Variants in CACNA2D1 observed in about 807,000 individuals in gnomAD.
CACNA2D1 encodes voltage-dependent calcium channel subunit alpha-2/delta-1.
A neutral mutation model predicts 171.5 loss-of-function variants in CACNA2D1; 53 were observed. That is an observed-to-expected ratio of 0.31 (90% CI 0.25 to 0.39). The LOEUF (loss-of-function observed/expected upper bound fraction) is 0.39. CACNA2D1 is among the 10% of genes least tolerant of loss of function. The pLI is 1.00. For missense variants in CACNA2D1, 903 were observed against 1,299.8 expected (o/e 0.69, Z 4.69); for synonymous variants, 442 against 443.1 (o/e 1.00, Z 0.03).
chr7:82,397,611 A>G (rs1825880672), intron 1 of CACNA2D1, among the ~76,000 whole-genome samples: 1 of 152,248 alleles, frequency 6.6e-6, no homozygotes, highest in Admixed American at 6.5e-5. Context: ...TAATGCAATA[A>G]GGATTTTCAT....
intron 1 of CACNA2D1, among the ~76,000 whole-genome samples, chr7:82,378,377 T>C (rs909549534): frequency 6.6e-6 from 1 of 152,134 alleles, no homozygotes; most frequent in African/African-American, 2.4e-5. Context: ...TCAGCCTGGG[T>C]GGCAGAGCAA....
chr7:82,250,703 T>G (rs1262193415), intron 3 of CACNA2D1, among the ~76,000 whole-genome samples: 2 of 152,222 alleles, frequency 1.3e-5, no homozygotes, highest in Non-Finnish European at 2.9e-5. Flanking sequence ...CTTAGCATTT[T>G]GCTTTTAGTA....
chr7:82,210,996 A>T (rs528406723), intron 3 of CACNA2D1, among the ~76,000 whole-genome samples: 128 of 152,194 alleles, frequency 8.4e-4, no homozygotes, highest in African/African-American at 3.0e-3. Flanking sequence ...CTTTAAAAGG[A>T]TTTTCCCATA....
intron 10 of CACNA2D1, among the ~76,000 whole-genome samples, chr7:82,047,904 G>C (rs531312453): frequency 6.6e-6 from 1 of 152,236 alleles, no homozygotes; most frequent in African/African-American, 2.4e-5. Flanking sequence ...GTCAGGGAAG[G>C]CCTCTCTATC....
In CACNA2D1 at chr7:82,025,728, GT is replaced by G. The variant is rs200602683; in HGVS notation, c.1143+7068del. 5.0e-4 allele frequency among the ~76,000 whole-genome samples: 76 copies of G among 151,806 alleles called. 1 individual carries two copies. The East Asian group carries it at 0.014, about 28-fold the overall frequency. ...TAACGTATGATCTATCCTGAAGAAT[GT>G]TCCATATGCACTTGAGAAAAATGTG... On this transcript the variant is annotated intron_variant, in intron 12 of 38. Coordinates refer to ENST00000356860, the MANE Select transcript of CACNA2D1 (RefSeq NM_000722.4).
rs1245242746 is a variant in CACNA2D1, at chr7:82,170,622, CAAT to C, written c.295-16_295-14del. ...CCAATGCCAGGCGCTGAAAAACAAA[CAAT>C]AAATCTTAGAATTCAAATGAACACG... On this transcript the variant is annotated splice_polypyrimidine_tract_variant and intron_variant, in intron 3 of 38. Coordinates refer to ENST00000356860, the MANE Select transcript of CACNA2D1 (RefSeq NM_000722.4). The C allele has an allele frequency of 3.1e-6, 5 of 1,611,062 alleles. No homozygotes were observed. Among genetic ancestry groups the C allele is most frequent in the Non-Finnish European group, 4.2e-6 (5 of 1,177,956 alleles).
At chr7:82,355,532 G>A (rs528980173) in intron 1 of CACNA2D1, among the ~76,000 whole-genome samples, 3 of 152,192 alleles carry the variant, frequency 2.0e-5, no homozygotes, top group East Asian at 3.9e-4. Flanking sequence ...GAAAGAAAAC[G>A]ATGAGAAGCT....
chr7:82,076,767 A>G (rs1417024204), intron 7 of CACNA2D1, among the ~76,000 whole-genome samples: 1 of 152,196 alleles, frequency 6.6e-6, no homozygotes, highest in African/African-American at 2.4e-5. Flanking sequence ...ATTCAAGGCG[A>G]CATATTCTAC....
At chr7:82,225,523 T>C (rs1221917643) in intron 3 of CACNA2D1, among the ~76,000 whole-genome samples, 1 of 152,176 alleles carries the variant, frequency 6.6e-6, no homozygotes, top group Non-Finnish European at 1.5e-5. Flanking sequence ...GCACATCTTA[T>C]ATGAATTTTT....
chr7:82,158,942 G>A (rs1794657234), intron 4 of CACNA2D1, among the ~76,000 whole-genome samples: 1 of 151,802 alleles, frequency 6.6e-6, no homozygotes, highest in African/African-American at 2.4e-5. Context: ...TATCTCATGT[G>A]CAAATGGTAA....
chr7:82,174,192 A>G (rs912762908), intron 3 of CACNA2D1, among the ~76,000 whole-genome samples: 1 of 151,726 alleles, frequency 6.6e-6, no homozygotes, highest in African/African-American at 2.4e-5. Flanking sequence ...AAAAAACAGA[A>G]CACTTTTCTG....
chr7:82,209,526 G>A (rs1479293741), intron 3 of CACNA2D1, among the ~76,000 whole-genome samples: 3 of 152,180 alleles, frequency 2.0e-5, no homozygotes, highest in East Asian at 1.9e-4. Flanking sequence ...ATATACCAAC[G>A]GTGTCAATCA....
At chr7:82,365,364 T>C (rs992373124) in intron 1 of CACNA2D1, among the ~76,000 whole-genome samples, 1 of 152,242 alleles carries the variant, frequency 6.6e-6, no homozygotes, top group Non-Finnish European at 1.5e-5. Flanking sequence ...TTAACACATA[T>C]ATGATGAAAC....
chr7:81,991,267 GT>G, intron 20 of CACNA2D1, 21 bp from the exon 21 acceptor site: 2 of 1,238,148 alleles, frequency 1.6e-6, no homozygotes, highest in Non-Finnish European at 2.4e-6. Flanking sequence ...GTTTAACGTG[GT>G]TATTATCACT....
intron 3 of CACNA2D1, among the ~76,000 whole-genome samples, chr7:82,181,041 A>ACTTTTTT (rs1797076631): frequency 1.4e-4 from 2 of 13,942 alleles, no homozygotes; most frequent in Admixed American, 1.1e-3. Context: ...GGCATGTCGG[A>ACTTTTTT]TTTTTTTTTT....
intron 3 of CACNA2D1, among the ~76,000 whole-genome samples, chr7:82,329,053 G>T (rs1816975475): frequency 6.6e-6 from 1 of 151,758 alleles, no homozygotes; most frequent in Non-Finnish European, 1.5e-5. Context: ...AGACCAGAAA[G>T]CTACATTTTT....
intron 3 of CACNA2D1, among the ~76,000 whole-genome samples, chr7:82,245,246 G>GT (rs1291322322): frequency 1.3e-5 from 2 of 152,192 alleles, no homozygotes; most frequent in Non-Finnish European, 2.9e-5. Context: ...CATAATGTCA[G>GT]TGTCTACTGT....
At chr7:81,972,001 CT>C (rs1795330547) in intron 25 of CACNA2D1, 137 bp from the exon 26 acceptor site, 4 of 635,334 alleles carry the variant, frequency 6.3e-6, no homozygotes, top group Non-Finnish European at 1.1e-5. Context: ...CATTCATTTT[CT>C]TTGTAATTTT....
chr7:81,969,041 A>G (rs571950371), intron 28 of CACNA2D1, 68 bp from the exon 29 acceptor site: 1 of 926,008 alleles, frequency 1.1e-6, no homozygotes, highest in East Asian at 2.6e-5. Context: ...ATTTTCCGTC[A>G]TTAGATACAA....
Sources: allele counts gnomAD v4.1 joint callset (sites outside exome capture counted in the v4.1 genomes callset), GRCh38; gene constraint gnomAD v4.1.1; transcripts MANE v1.5; gene names NCBI Gene and HGNC (gene_info 2026-07-23, HGNC 2026-07-21).